FNDC3B: variants seen among roughly 807,000 people sequenced by gnomAD.
FNDC3B encodes the protein fibronectin type III domain-containing protein 3B.
Under a neutral mutation model 151.5 loss-of-function variants are expected in FNDC3B, and 12 were observed. The observed-to-expected ratio is 0.08, with a 90% CI of 0.05 to 0.13. FNDC3B has a LOEUF of 0.13. FNDC3B is among the 10% of genes least tolerant of loss of function. FNDC3B has a pLI of 1.00. For missense variants in FNDC3B, 1,214 were observed against 1,505.3 expected (o/e 0.81, Z 3.20); for synonymous variants, 528 against 549.0 (o/e 0.96, Z 0.54).
At chr3:172,205,204 G>A (rs182603774) in intron 3 of FNDC3B, among the ~76,000 whole-genome samples, 1 of 152,226 alleles carries the variant, frequency 6.6e-6, no homozygotes, top group Non-Finnish European at 1.5e-5. Context: ...TTACCATTTG[G>A]TTGTCTGGGT....
intron 6 of FNDC3B, among the ~76,000 whole-genome samples, chr3:172,252,409 A>G (rs1222917152): frequency 6.6e-6 from 1 of 151,872 alleles, no homozygotes; most frequent in Non-Finnish European, 1.5e-5. Context: ...TTTTTCATTC[A>G]CAATCACATT....
At chr3:172,244,913 A>C (rs1387561260) in intron 4 of FNDC3B, among the ~76,000 whole-genome samples, 1 of 152,178 alleles carries the variant, frequency 6.6e-6, no homozygotes, top group Non-Finnish European at 1.5e-5. Context: ...GGCGTGAGCC[A>C]CTGCGCCTGG....
At position 172,208,877 on chromosome 3, in the gene FNDC3B, A is replaced by G. The variant is rs566233882; in HGVS notation, c.188-17994A>G. 1.2e-4 allele frequency among the ~76,000 whole-genome samples: 19 copies of G among 152,206 alleles called. No homozygotes were observed. In the South Asian group the frequency reaches 3.7e-3, roughly 30 times the overall value. On this transcript the variant is annotated intron_variant, in intron 3 of 25. Coordinates refer to ENST00000415807, the MANE Select transcript of FNDC3B (RefSeq NM_022763.4). Reference sequence around the variant, plus strand: ...CTGTTGCAGTGGGGTGGGCAGCTCCATGCACCAGCATAGGTGCTGGCTCCG... The same window carrying G: ...CTGTTGCAGTGGGGTGGGCAGCTCCGTGCACCAGCATAGGTGCTGGCTCCG...
chr3:172,342,808 C>G (rs1733402976), intron 17 of FNDC3B, among the ~76,000 whole-genome samples: 1 of 152,186 alleles, frequency 6.6e-6, no homozygotes, highest in Non-Finnish European at 1.5e-5. Context: ...CATATGAAGT[C>G]TATAGCCACC....
intron 1 of FNDC3B, among the ~76,000 whole-genome samples, chr3:172,099,463 G>T (rs1044032274): frequency 2.0e-5 from 3 of 151,972 alleles, no homozygotes; most frequent in Admixed American, 2.0e-4. Flanking sequence ...AATATTATTT[G>T]TCGTTACTTC....
chr3:172,376,227 G>A (rs1396970968), intron 23 of FNDC3B, among the ~76,000 whole-genome samples: 2 of 152,258 alleles, frequency 1.3e-5, no homozygotes, highest in Non-Finnish European at 2.9e-5. Flanking sequence ...TGATATGTAT[G>A]TTATCTGTTC....
intron 23 of FNDC3B, among the ~76,000 whole-genome samples, chr3:172,372,717 G>A (rs985618879): frequency 1.1e-4 from 16 of 152,156 alleles, no homozygotes; most frequent in African/African-American, 2.7e-4. Flanking sequence ...GGGAGCCAGA[G>A]GTCCTCAGGA....
rs114061014 is a variant in FNDC3B, at chr3:172,351,911, A to G, written c.2515-892A>G. 1.1e-3 allele frequency among the ~76,000 whole-genome samples: 160 copies of G among 152,308 alleles called. 1 individual carries two copies. The highest frequency in any genetic ancestry group is 3.7e-3 in the African/African-American group (153 of 41,570). On this transcript the variant is annotated intron_variant, in intron 21 of 25. Transcript: ENST00000415807. The stretch of plus-strand genomic sequence containing the variant: ...GTTTGAGATGCCTGTTGGACATGCA[A>G]GTGGAGATACTCAGTGGTTGAATAC...
At chr3:172,155,377 T>C (rs949216694) in intron 3 of FNDC3B, among the ~76,000 whole-genome samples, 2 of 152,206 alleles carry the variant, frequency 1.3e-5, no homozygotes, top group Non-Finnish European at 2.9e-5. Context: ...CCTTAGTTCC[T>C]GGTGTGTCAG....
chr3:172,329,131 C>T, intron 12 of FNDC3B, 55 bp downstream of exon 12: 1 of 1,559,470 alleles, frequency 6.4e-7, no homozygotes. Flanking sequence ...GATCCTGAGC[C>T]TTCTTTTACA....
At chr3:172,360,407 A>G (rs1057285288) in intron 22 of FNDC3B, among the ~76,000 whole-genome samples, 3 of 152,126 alleles carry the variant, frequency 2.0e-5, no homozygotes, top group Admixed American at 2.0e-4. Context: ...AGTTATTTTC[A>G]TTCTCTTAGC....
intron 3 of FNDC3B, among the ~76,000 whole-genome samples, chr3:172,163,108 T>G (rs1392769536): frequency 6.6e-6 from 1 of 151,848 alleles, no homozygotes; most frequent in Admixed American, 6.6e-5. Context: ...TATACAAAAA[T>G]TTTTTTAAAA....
In FNDC3B at chr3:172,121,586, G is replaced by A. The variant is rs140938948; in HGVS notation, c.111+8996G>A. ...GATGCAAGGTAAAAGCAGTCCAAGC[G>A]CAGAGATGCAAATACTTGTGTTTAT... On this transcript the variant is annotated intron_variant, in intron 2 of 25. Transcript: ENST00000415807. 2.9e-3 allele frequency among the ~76,000 whole-genome samples: 437 copies of A among 152,302 alleles called. 4 individuals carry two copies. Among genetic ancestry groups the A allele is most frequent in the African/African-American group, 0.01 (424 of 41,564 alleles).
rs899266039 is a variant in FNDC3B at position 172,399,823 on chromosome 3, T to C, written c.*2348T>C. On this transcript the variant is annotated 3_prime_UTR_variant, in exon 26 of 26. Transcript: ENST00000415807. Reference sequence around the variant, plus strand: ...CAGAACTGCTGCTATAAAGAAATTCTCTAATTGGTTGAATTTTTTTTTTAA... The same window carrying C: ...CAGAACTGCTGCTATAAAGAAATTCCCTAATTGGTTGAATTTTTTTTTTAA... The C allele has an allele frequency of 2.2e-4, 14 of 62,766 alleles. No homozygotes were observed. Among genetic ancestry groups the C allele is most frequent in the African/African-American group, 9.2e-4 (14 of 15,290 alleles). 3.9% of individuals were successfully genotyped at this position (62,766 alleles called of 1,614,324 possible). A position where few individuals can be genotyped will look rare whatever the true frequency, so the allele number is the denominator to read the frequency against.
At chr3:172,131,900 T>G (rs925981221) in intron 2 of FNDC3B, among the ~76,000 whole-genome samples, 5 of 152,220 alleles carry the variant, frequency 3.3e-5, no homozygotes, top group Non-Finnish European at 7.3e-5. Context: ...TTTATGACTT[T>G]CATTCATTCA....
intron 11 of FNDC3B, among the ~76,000 whole-genome samples, chr3:172,325,476 T>C (rs1732297271): frequency 6.6e-6 from 1 of 152,244 alleles, no homozygotes; most frequent in Non-Finnish European, 1.5e-5. Flanking sequence ...CGTATGAATC[T>C]TTCAGTCCTC....
intron 1 of FNDC3B, among the ~76,000 whole-genome samples, chr3:172,045,864 G>A (rs1716344770): frequency 6.6e-6 from 1 of 152,024 alleles, no homozygotes; most frequent in Admixed American, 6.6e-5. Flanking sequence ...TAAAGAGGGA[G>A]AGAATGCTTG....
intron 1 of FNDC3B, among the ~76,000 whole-genome samples, chr3:172,107,265 G>A (rs1323062004): frequency 1.3e-5 from 2 of 152,140 alleles, no homozygotes; most frequent in African/African-American, 4.8e-5. Flanking sequence ...TGGAAGTATG[G>A]GTACAAACAA....
chr3:172,324,561 A>G (rs1384840469), intron 11 of FNDC3B, among the ~76,000 whole-genome samples: 1 of 117,370 alleles, frequency 8.5e-6, no homozygotes, highest in African/African-American at 3.7e-5. Flanking sequence ...TTCACATTGT[A>G]GTAAAGAAAG....
Sources: gnomAD v4.1 joint callset for allele counts (sites outside exome capture counted in the v4.1 genomes callset) on GRCh38, gnomAD v4.1.1 for gene constraint, MANE v1.5 for transcripts, NCBI Gene and HGNC (gene_info 2026-07-23, HGNC 2026-07-21) for gene names.